The following PCDH9 variants were observed in gnomAD, a reference collection of about 807,000 sequenced individuals.
PCDH9 encodes the protein protocadherin 9, also known as protocadherin-9.
Under a neutral mutation model 70.6 loss-of-function variants are expected in PCDH9, and 24 were observed. The observed-to-expected ratio is 0.34, with a 90% CI of 0.25 to 0.48. PCDH9 has a LOEUF of 0.48. PCDH9 is among the 20% of genes least tolerant of loss of function. PCDH9 has a pLI of 0.99. For missense variants in PCDH9, 1,281 were observed against 1,503.6 expected, an observed-to-expected ratio of 0.85 and a Z score of 2.45; for synonymous variants, 562 against 558.5, an observed-to-expected ratio of 1.01 and a Z score of -0.09.
At chr13:66,855,874 A>T (rs1435300486) in intron 3 of PCDH9, among the ~76,000 whole-genome samples, 1 of 152,010 alleles carries the variant, frequency 6.6e-6, no homozygotes, top group Non-Finnish European at 1.5e-5. Context: ...AGACATTTTT[A>T]TCATGGATAA....
intron 3 of PCDH9, among the ~76,000 whole-genome samples, chr13:66,899,689 G>A (rs1594229069): frequency 6.6e-6 from 1 of 151,986 alleles, no homozygotes. Context: ...GAAACAAAGT[G>A]ACAATGAAAT....
chr13:66,637,907 C>G (rs1285115948), intron 3 of PCDH9, among the ~76,000 whole-genome samples: 1 of 65,692 alleles, frequency 1.5e-5, no homozygotes, highest in Admixed American at 2.2e-4. Context: ...GAGCAAGACT[C>G]CTTCTCAAAA....
chr13:66,558,237 A>G (rs1250870857), intron 4 of PCDH9, among the ~76,000 whole-genome samples: 2 of 152,200 alleles, frequency 1.3e-5, no homozygotes, highest in African/African-American at 4.8e-5. Context: ...ACTAAAATGC[A>G]TTAGTACATT....
intron 4 of PCDH9, among the ~76,000 whole-genome samples, chr13:66,314,075 C>G (rs986117566): frequency 4.3e-4 from 65 of 152,248 alleles, no homozygotes; most frequent in African/African-American, 1.5e-3. Flanking sequence ...TATGAGTCAC[C>G]TAGGAAAATC....
intron 2 of PCDH9, among the ~76,000 whole-genome samples, chr13:67,200,828 G>A (rs530284646): frequency 6.6e-6 from 1 of 152,038 alleles, no homozygotes; most frequent in African/African-American, 2.4e-5. Context: ...GGTTCCACAT[G>A]TGTGAGCAAT....
chr13:66,937,629 A>G (rs1289702680), intron 2 of PCDH9, among the ~76,000 whole-genome samples: 2 of 152,196 alleles, frequency 1.3e-5, no homozygotes, highest in Non-Finnish European at 2.9e-5. Flanking sequence ...ACAGTCAGAC[A>G]AAGTGGAAAA....
chr13:66,648,324 G>A (rs562201241), intron 3 of PCDH9, among the ~76,000 whole-genome samples: 42 of 152,290 alleles, frequency 2.8e-4, no homozygotes, highest in African/African-American at 1.0e-3. Flanking sequence ...GAGTGCTTGA[G>A]TCACCCCTCC....
intron 3 of PCDH9, among the ~76,000 whole-genome samples, chr13:66,894,564 GACTA>G (rs1310142816): frequency 3.9e-5 from 6 of 152,096 alleles, no homozygotes; most frequent in Non-Finnish European, 7.4e-5. Flanking sequence ...CCAATGATAA[GACTA>G]ACTATAACTG....
chr13:66,484,622 C>T (rs2138517131), intron 4 of PCDH9, among the ~76,000 whole-genome samples: 1 of 152,280 alleles, frequency 6.6e-6, no homozygotes, highest in East Asian at 1.9e-4. Flanking sequence ...GAAACTCTAA[C>T]ACAGAGCCCT....
chr13:66,738,482 G>A (rs2079195191), intron 3 of PCDH9, among the ~76,000 whole-genome samples: 1 of 146,816 alleles, frequency 6.8e-6, no homozygotes, highest in Admixed American at 7.0e-5. Flanking sequence ...ACGGAACAAA[G>A]CTGGATGGAG....
chr13:67,093,683 T>C (rs2086264033), intron 2 of PCDH9, among the ~76,000 whole-genome samples: 1 of 152,150 alleles, frequency 6.6e-6, no homozygotes, highest in Admixed American at 6.6e-5. Context: ...CTAAAGTCAA[T>C]ACCTGCCTGC....
At chr13:67,173,995 G>A (rs2088369905) in intron 2 of PCDH9, among the ~76,000 whole-genome samples, 1 of 152,004 alleles carries the variant, frequency 6.6e-6, no homozygotes, top group Non-Finnish European at 1.5e-5. Flanking sequence ...CAATTCATAT[G>A]ATATTAAAGT....
chr13:66,627,213 C>T (rs964362865), intron 4 of PCDH9, among the ~76,000 whole-genome samples: 1 of 152,080 alleles, frequency 6.6e-6, no homozygotes, highest in Non-Finnish European at 1.5e-5. Context: ...ATACTGACAT[C>T]CAATAGAAAC....
intron 4 of PCDH9, among the ~76,000 whole-genome samples, chr13:66,445,495 C>CAT (rs201604342): frequency 7.8e-5 from 11 of 140,812 alleles, no homozygotes; most frequent in African/African-American, 1.3e-4. Flanking sequence ...AATATATACA[C>CAT]ATATATAATA....
At chr13:67,176,308 C>T (rs1163951366) in intron 2 of PCDH9, among the ~76,000 whole-genome samples, 1 of 152,042 alleles carries the variant, frequency 6.6e-6, no homozygotes, top group African/African-American at 2.4e-5. Context: ...GCAAATTGCT[C>T]AGGGGCCCAT....
chr13:67,194,739 T>C (rs1042075561), intron 2 of PCDH9, among the ~76,000 whole-genome samples: 10 of 152,210 alleles, frequency 6.6e-5, no homozygotes, highest in African/African-American at 2.4e-4. Flanking sequence ...GGAGAGCATT[T>C]ATTTCTGCTC....
Position 66,568,994 on chromosome 13 carries a change from C to CTTTTTTTTTTTTTTTTT in PCDH9, c.3340+62199_3340+62215dup, listed in dbSNP as rs61067249. Among the ~76,000 whole-genome samples, 6 of 58,322 alleles carry CTTTTTTTTTTTTTTTTT rather than the reference C, an allele frequency of 1.0e-4. 1 individual carries two copies. The highest frequency in any genetic ancestry group is 1.8e-4 in the Non-Finnish European group (6 of 33,824). The allele number at this position is 58,322 out of a possible 152,430, so 38.3% of individuals were successfully genotyped here. Reference sequence around the variant, plus strand: ...TAACCTTCTGTTCTTGGAAACATGTCTTTTTTTTTTTTTTTTTTTTTTTTT... The same window carrying CTTTTTTTTTTTTTTTTT: ...TAACCTTCTGTTCTTGGAAACATGTCTTTTTTTTTTTTTTTTTTTTTTTTTTTTTTTTTTTTTTTTTT... On this transcript the variant is annotated intron_variant, in intron 4 of 4. Transcript: ENST00000377865.
intron 4 of PCDH9, among the ~76,000 whole-genome samples, chr13:66,561,730 C>G (rs1054989466): frequency 2.4e-4 from 37 of 152,016 alleles, no homozygotes; most frequent in African/African-American, 8.0e-4. Context: ...ACCGTTGTGT[C>G]TAGCTCAGGG....
intron 4 of PCDH9, among the ~76,000 whole-genome samples, chr13:66,427,489 T>C (rs1324417489): frequency 5.3e-5 from 8 of 151,756 alleles, no homozygotes; most frequent in African/African-American, 1.9e-4. Flanking sequence ...GACATGTGTT[T>C]TGTGTTAGTT....
Sources: allele counts gnomAD v4.1 joint callset (sites outside exome capture counted in the v4.1 genomes callset), GRCh38; gene constraint gnomAD v4.1.1; transcripts MANE v1.5; gene names NCBI Gene and HGNC (gene_info 2026-07-23, HGNC 2026-07-21).